HNRNPLL: variants seen among roughly 807,000 people sequenced by gnomAD.
HNRNPLL encodes heterogeneous nuclear ribonucleoprotein L-like.
A neutral mutation model predicts 67.1 loss-of-function variants in HNRNPLL; 25 were observed. The observed-to-expected ratio is 0.37, with a 90% CI of 0.27 to 0.52. The LOEUF is 0.52. Among genes scored for constraint, HNRNPLL ranks in the 20% least tolerant of loss-of-function variants. The pLI is 0.90. For synonymous variants in HNRNPLL, 267 were observed against 241.7 expected, an observed-to-expected ratio of 1.10 and a Z score of -0.97; for missense variants, 542 against 673.9, an observed-to-expected ratio of 0.80 and a Z score of 2.17.
chr2:38,562,703 A>G lies in HNRNPLL; in HGVS notation c.*1479T>C, dbSNP rs997239807. On this transcript the variant is annotated 3_prime_UTR_variant, in exon 13 of 13. Transcript: ENST00000449105. Reference sequence around the variant, plus strand: ...TACTGGGTTCTGTGATAAGGGTCTAAAATACTTCTAGATTAAATTTAATTT... The same window carrying G: ...TACTGGGTTCTGTGATAAGGGTCTAGAATACTTCTAGATTAAATTTAATTT... The G allele has an allele frequency of 4.6e-5, 7 of 152,068 alleles. No homozygotes were observed. The highest frequency in any genetic ancestry group is 1.7e-4 in the African/African-American group (7 of 41,434). The allele number at this position is 152,068 out of a possible 1,614,324, so 9.4% of individuals were successfully genotyped here. A position where few individuals can be genotyped will look rare whatever the true frequency, so the allele number is the denominator to read the frequency against.
chr2:38,585,690 T>C lies in HNRNPLL; in HGVS notation c.500A>G (p.Lys167Arg), dbSNP rs143675691. The C allele has an allele frequency of 6.8e-6, 11 of 1,613,204 alleles. No individual in the cohort carries two copies. The highest frequency in any genetic ancestry group is 9.3e-6 in the Non-Finnish European group (11 of 1,179,262). Residue 167 changes from lysine to arginine, a missense_variant, in exon 3 of 13, where the codon AAA becomes AGA. By Grantham distance (26) the Lys-to-Arg change is conservative (BLOSUM62 2). Coordinates refer to ENST00000449105, the MANE Select transcript of HNRNPLL (RefSeq NM_138394.4). ...GNTDDPSGGN[K>R]VLLLSIQNPL... The stretch of plus-strand genomic sequence containing the variant: ...ATTCTGAATTGAGAGCAGAAGAACT[T>C]TGTTGCCTCCTGATGGATCATCAGT...
chr2:38,572,421 A>G (rs942724306), intron 8 of HNRNPLL, among the ~76,000 whole-genome samples: 1 of 152,084 alleles, frequency 6.6e-6, no homozygotes, highest in African/African-American at 2.4e-5. Flanking sequence ...AGAACACTAA[A>G]ATCACTTAAA....
chr2:38,592,978 T>C (rs1572459257), intron 1 of HNRNPLL, among the ~76,000 whole-genome samples: 1 of 152,148 alleles, frequency 6.6e-6, no homozygotes, highest in African/African-American at 2.4e-5. Flanking sequence ...ATATAACAAA[T>C]GGAGTGCCCT....
At position 38,602,874 on chromosome 2, in the gene HNRNPLL, T is replaced by A. The variant is rs543018416; in HGVS notation, c.-248A>T. ...TCAATTACCGAGCCAACATTCAGCC[T>A]CTCCCTCCTCCTCCTCCGTCTCCGC... On this transcript the variant is annotated 5_prime_UTR_variant, in exon 1 of 13. Coordinates refer to ENST00000449105, the MANE Select transcript of HNRNPLL (RefSeq NM_138394.4). 7.0e-4 allele frequency: 1,085 copies of A among 1,548,858 alleles called. 1 individual carries two copies. The highest frequency in any genetic ancestry group is 7.6e-4 in the Non-Finnish European group (869 of 1,146,002).
At chr2:38,596,363 G>C (rs968260789) in intron 1 of HNRNPLL, among the ~76,000 whole-genome samples, 1 of 152,008 alleles carries the variant, frequency 6.6e-6, no homozygotes, top group Non-Finnish European at 1.5e-5. Context: ...GGTTCAAGCA[G>C]TTCTCCTGCC....
intron 8 of HNRNPLL, among the ~76,000 whole-genome samples, chr2:38,571,710 C>T (rs538323576): frequency 6.6e-6 from 1 of 152,030 alleles, no homozygotes; most frequent in South Asian, 2.1e-4. Context: ...GGTAAATCTC[C>T]AAAAGAAAGT....
At position 38,602,905 on chromosome 2, in the gene HNRNPLL, G is replaced by A. The variant is rs749653219; in HGVS notation, c.-279C>T. On this transcript the variant is annotated 5_prime_UTR_variant, in exon 1 of 13. Transcript: ENST00000449105. ...TCCTCCTCCTCCGTCTCCGCTCCCT[G>A]CCCGGAGGAGCGAATCTAAGGATGG... 7.2e-6 allele frequency: 11 copies of A among 1,532,592 alleles called. No homozygotes were observed. The South Asian group carries it at 1.3e-4, about 18-fold the overall frequency. 94.9% of individuals were successfully genotyped at this position (1,532,592 alleles called of 1,614,324 possible).
intron 1 of HNRNPLL, chr2:38,599,929 G>GT (rs1304892061): frequency 2.1e-6 from 1 of 470,440 alleles, no homozygotes; most frequent in African/African-American, 2.0e-5. Flanking sequence ...GACCACAAAG[G>GT]TATTTCTTCT....
intron 6 of HNRNPLL, among the ~76,000 whole-genome samples, chr2:38,579,928 T>A (rs1666457068): frequency 6.6e-6 from 1 of 152,156 alleles, no homozygotes; most frequent in Non-Finnish European, 1.5e-5. Context: ...CTTCAAAGCA[T>A]AAACTAAAAA....
intron 6 of HNRNPLL, 54 bp from the exon 7 acceptor site, chr2:38,577,586 G>C (rs1330339882): frequency 9.5e-7 from 1 of 1,049,028 alleles, no homozygotes; most frequent in Non-Finnish European, 1.5e-6. Context: ...GTACTTAATG[G>C]AGTTCTCAGA....
At chr2:38,590,755 C>T (rs1032214925) in intron 2 of HNRNPLL, among the ~76,000 whole-genome samples, 13 of 152,040 alleles carry the variant, frequency 8.6e-5, no homozygotes, top group Non-Finnish European at 2.9e-5. Flanking sequence ...GCCTATAATC[C>T]CAGCACTTCT....
At chr2:38,597,447 T>C (rs1667240501) in intron 1 of HNRNPLL, among the ~76,000 whole-genome samples, 1 of 152,218 alleles carries the variant, frequency 6.6e-6, no homozygotes, top group Non-Finnish European at 1.5e-5. Context: ...GGACACTTAA[T>C]ATAGAACAAA....
At chr2:38,596,394 G>A (rs1223442019) in intron 1 of HNRNPLL, among the ~76,000 whole-genome samples, 1 of 152,012 alleles carries the variant, frequency 6.6e-6, no homozygotes, top group Non-Finnish European at 1.5e-5. Flanking sequence ...GACTAGCTGG[G>A]ACCACAAGCA....
intron 7 of HNRNPLL, among the ~76,000 whole-genome samples, chr2:38,575,656 A>G (rs1400265155): frequency 1.3e-5 from 2 of 151,748 alleles, no homozygotes; most frequent in East Asian, 3.8e-4. Context: ...GTCCTGAACC[A>G]TAATTAACTC....
At chr2:38,588,674 T>C (rs1666833377) in intron 2 of HNRNPLL, among the ~76,000 whole-genome samples, 1 of 152,016 alleles carries the variant, frequency 6.6e-6, no homozygotes, top group Non-Finnish European at 1.5e-5. Flanking sequence ...ACTGCCAATA[T>C]TCAATATAAA....
intron 4 of HNRNPLL, among the ~76,000 whole-genome samples, 187 bp downstream of exon 4, chr2:38,583,654 T>G (rs903591842): frequency 2.0e-5 from 3 of 152,202 alleles, no homozygotes; most frequent in Non-Finnish European, 4.4e-5. Flanking sequence ...TGCTTTCTGG[T>G]AGCAAGTTAT....
intron 1 of HNRNPLL, 93 bp from the exon 2 acceptor site, chr2:38,591,741 C>T: frequency 1.4e-6 from 1 of 702,770 alleles, no homozygotes; most frequent in South Asian, 1.7e-5. Context: ...TTTGGGAGGT[C>T]AAAGTGGGAG....
At chr2:38,594,002 G>A (rs564371516) in intron 1 of HNRNPLL, among the ~76,000 whole-genome samples, 7 of 152,076 alleles carry the variant, frequency 4.6e-5, no homozygotes, top group East Asian at 1.9e-4. Flanking sequence ...GTGAAACCCC[G>A]TCTCTACTAA....
rs1667505756 is a variant in HNRNPLL, at chr2:38,602,761, G to A, written c.-135C>T. ...TCTCCGCGGCCCGGCCGTCCGCGGG[G>A]ACTGCGCGGCCAGGAGACTGGCGGC... On this transcript the variant is annotated 5_prime_UTR_variant, in exon 1 of 13. Transcript: ENST00000449105. 3 of 1,518,330 alleles carry A rather than the reference G, an allele frequency of 2.0e-6. No individual in the cohort carries two copies. The allele number at this position is 1,518,330 out of a possible 1,614,324, so 94.1% of individuals were successfully genotyped here.
Sources: gnomAD v4.1 joint callset for allele counts (sites outside exome capture counted in the v4.1 genomes callset) on GRCh38, gnomAD v4.1.1 for gene constraint, MANE v1.5 for transcripts, NCBI Gene and HGNC (gene_info 2026-07-23, HGNC 2026-07-21) for gene names.